Variants in DGKB observed in about 807,000 individuals in gnomAD.
DGKB encodes diacylglycerol kinase beta, also known as 90 kDa diacylglycerol kinase.
Under a neutral mutation model 114.3 loss-of-function variants are expected in DGKB, and 67 were observed. The ratio of observed to expected loss-of-function variants is 0.59; its 90% CI spans 0.48 to 0.72. The LOEUF is 0.72. DGKB is among the 30% of genes least tolerant of loss of function. The probability of loss-of-function intolerance (pLI) is 0.00; values close to 1 mark genes in which losing one functional copy is unlikely to be tolerated. For synonymous variants in DGKB, 398 were observed against 323.1 expected (o/e 1.23, Z -2.49); for missense variants, 907 against 975.2 (o/e 0.93, Z 0.93).
chr7:14,764,607 T>C (rs538448735), intron 2 of DGKB, among the ~76,000 whole-genome samples: 21 of 152,060 alleles, frequency 1.4e-4, no homozygotes, highest in African/African-American at 3.4e-4. Flanking sequence ...TTGAGTCTTA[T>C]ATGCAGCTGA....
chr7:14,867,166 A>T (rs1851817687), intron 1 of DGKB, among the ~76,000 whole-genome samples: 1 of 152,170 alleles, frequency 6.6e-6, no homozygotes, highest in South Asian at 2.1e-4. Flanking sequence ...ATTTTCTCTC[A>T]GTCTGTGCCT....
chr7:14,193,643 C>G (rs1784617099), intron 23 of DGKB, among the ~76,000 whole-genome samples: 1 of 151,992 alleles, frequency 6.6e-6, no homozygotes. Flanking sequence ...TGGGCAAGGA[C>G]TTTTTAAATA....
intron 1 of DGKB, among the ~76,000 whole-genome samples, chr7:14,910,314 GAA>G (rs1783937418): frequency 1.5e-5 from 2 of 132,250 alleles, no homozygotes; most frequent in Non-Finnish European, 3.3e-5. Flanking sequence ...AAGAAAGAAA[GAA>G]CCTTATATAT....
At chr7:14,435,830 C>G (rs1053477879) in intron 21 of DGKB, among the ~76,000 whole-genome samples, 1 of 151,976 alleles carries the variant, frequency 6.6e-6, no homozygotes. Flanking sequence ...TTATTATTTA[C>G]AAAACTATTT....
chr7:14,802,670 A>G (rs1257671698), intron 2 of DGKB, among the ~76,000 whole-genome samples: 3 of 152,096 alleles, frequency 2.0e-5, no homozygotes, highest in Non-Finnish European at 2.9e-5. Flanking sequence ...ATAGTTGTGA[A>G]CCTACCACAA....
chr7:14,305,075 C>A (rs1349439006), intron 23 of DGKB, among the ~76,000 whole-genome samples: 1 of 152,084 alleles, frequency 6.6e-6, no homozygotes, highest in African/African-American at 2.4e-5. Flanking sequence ...GTGTAATGAT[C>A]CAATCAGGGT....
intron 1 of DGKB, among the ~76,000 whole-genome samples, chr7:14,927,022 G>C (rs960440424): frequency 6.6e-6 from 1 of 152,058 alleles, no homozygotes; most frequent in African/African-American, 2.4e-5. Context: ...GACTCTTGAA[G>C]GAGCATGTTT....
chr7:14,769,679 AG>A (rs1397309861), intron 2 of DGKB, among the ~76,000 whole-genome samples: 1 of 152,110 alleles, frequency 6.6e-6, no homozygotes. Context: ...TGGAGGCCAG[AG>A]GTCTGAAATC....
chr7:14,320,254 C>A (rs1190133998), intron 23 of DGKB, among the ~76,000 whole-genome samples: 1 of 152,154 alleles, frequency 6.6e-6, no homozygotes, highest in East Asian at 1.9e-4. Context: ...CTATCTACTT[C>A]TATCTTACAA....
chr7:14,685,874 C>T (rs916048535), intron 9 of DGKB, among the ~76,000 whole-genome samples: 5 of 152,028 alleles, frequency 3.3e-5, no homozygotes, highest in African/African-American at 9.7e-5. Context: ...AAAACTAATA[C>T]TAAAAGGTAA....
At chr7:14,231,604 G>A (rs1791861344) in intron 23 of DGKB, among the ~76,000 whole-genome samples, 1 of 151,768 alleles carries the variant, frequency 6.6e-6, no homozygotes, top group Non-Finnish European at 1.5e-5. Flanking sequence ...GCATATGTAT[G>A]AGTGTAATTG....
At chr7:14,458,949 C>T (rs1022006494) in intron 21 of DGKB, among the ~76,000 whole-genome samples, 2 of 152,216 alleles carry the variant, frequency 1.3e-5, no homozygotes, top group Non-Finnish European at 2.9e-5. Flanking sequence ...CTAAGATCCA[C>T]TGGCTTGAAA....
chr7:14,855,461 C>G (rs1160650364), intron 1 of DGKB, among the ~76,000 whole-genome samples: 2 of 152,096 alleles, frequency 1.3e-5, no homozygotes, highest in African/African-American at 4.8e-5. Flanking sequence ...TTACATAAAC[C>G]TGTATTTGCA....
At chr7:14,385,856 A>T (rs1171929202) in intron 21 of DGKB, among the ~76,000 whole-genome samples, 1 of 152,252 alleles carries the variant, frequency 6.6e-6, no homozygotes, top group Non-Finnish European at 1.5e-5. Flanking sequence ...ATTTCAAGAC[A>T]GCTGCAATAA....
chr7:14,667,572 T>G (rs16878256), intron 13 of DGKB, among the ~76,000 whole-genome samples: 3,302 of 152,086 alleles, frequency 0.022, 55 homozygotes, highest in South Asian at 0.039. Context: ...AGGAAACTGG[T>G]ACTAAATAAT....
intron 16 of DGKB, among the ~76,000 whole-genome samples, chr7:14,612,238 G>A (rs181020282): frequency 1.4e-5 from 2 of 147,326 alleles, no homozygotes; most frequent in South Asian, 2.2e-4. Flanking sequence ...GCAGTGGCAC[G>A]ATCTTGGCTT....
At chr7:14,208,105 G>C (rs1454898168) in intron 23 of DGKB, among the ~76,000 whole-genome samples, 3 of 151,838 alleles carry the variant, frequency 2.0e-5, no homozygotes, top group Admixed American at 2.0e-4. Flanking sequence ...GTGTGACTTT[G>C]AAAAAAGTAT....
rs150580908 is a variant in DGKB at position 14,737,646 on chromosome 7, G to C, written c.169-1452C>G. ...AAACCAAACACTTTATTTATCAATA[G>C]TCCCAAGATTCTGCCTATACCTTAA... On this transcript the variant is annotated intron_variant, in intron 4 of 25. Transcript: ENST00000402815. 3.3e-5 allele frequency among the ~76,000 whole-genome samples: 5 copies of C among 152,126 alleles called. No individual in the cohort carries two copies. In the East Asian group the frequency reaches 9.7e-4, roughly 29 times the overall value.
chr7:14,416,613 A>C (rs2128753445), intron 21 of DGKB, among the ~76,000 whole-genome samples: 1 of 152,160 alleles, frequency 6.6e-6, no homozygotes, highest in Non-Finnish European at 1.5e-5. Flanking sequence ...GTAGTAAATA[A>C]GTCTCACGAG....
Sources: allele counts gnomAD v4.1 joint callset (sites outside exome capture counted in the v4.1 genomes callset), GRCh38; gene constraint gnomAD v4.1.1; transcripts MANE v1.5; gene names NCBI Gene and HGNC (gene_info 2026-07-23, HGNC 2026-07-21).